Variants in RHBDL3 observed in about 807,000 individuals in gnomAD.
The protein encoded by RHBDL3 is rhomboid-related protein 3.
In RHBDL3, 28 loss-of-function variants were observed where a neutral mutation model predicts 48.2. That is an observed-to-expected ratio of 0.58 (90% confidence interval 0.43 to 0.80). RHBDL3 has a LOEUF of 0.80. Among genes scored for constraint, RHBDL3 ranks in the 30% least tolerant of loss-of-function variants. RHBDL3 has a pLI of 0.00. For synonymous variants in RHBDL3, 208 were observed against 232.3 expected, an observed-to-expected ratio of 0.90 and a Z score of 0.95; for missense variants, 464 against 542.7, an observed-to-expected ratio of 0.85 and a Z score of 1.44.
At chr17:32,311,129 G>A (rs1368993551) in intron 7 of RHBDL3, among the ~76,000 whole-genome samples, 1 of 152,222 alleles carries the variant, frequency 6.6e-6, no homozygotes, top group Admixed American at 6.5e-5. Flanking sequence ...ATGCTGAGGG[G>A]ACTGGTTACC....
At chr17:32,303,523 A>T (rs1020592500) in intron 6 of RHBDL3, among the ~76,000 whole-genome samples, 2 of 152,254 alleles carry the variant, frequency 1.3e-5, no homozygotes, top group Non-Finnish European at 2.9e-5. Context: ...AAGCAAAAGC[A>T]AAAGAAAGTT....
intron 2 of RHBDL3, 50 bp downstream of exon 2, chr17:32,267,975 G>T: frequency 7.0e-7 from 1 of 1,438,744 alleles, no homozygotes; most frequent in East Asian, 2.3e-5. Context: ...CCTGAAATCG[G>T]TCTCAGTCTC....
intron 6 of RHBDL3, among the ~76,000 whole-genome samples, chr17:32,304,404 T>C (rs2040659587): frequency 6.6e-6 from 1 of 152,142 alleles, no homozygotes; most frequent in Non-Finnish European, 1.5e-5. Flanking sequence ...GCGTGGCTGC[T>C]AGAGAGGCCA....
In RHBDL3 at chr17:32,272,098, TAAATG is replaced by T. The variant is rs1432216206; in HGVS notation, c.135+4174_135+4178del. ...TTAACTTCAGGGTGACTATGAGAATTAAATGGAAGTGGAAGCTCCCTTTGCAATAT... is the reference window on the plus strand; with the variant it reads ...TTAACTTCAGGGTGACTATGAGAATTGAAGTGGAAGCTCCCTTTGCAATAT... On this transcript the variant is annotated intron_variant, in intron 2 of 8. Transcript: ENST00000269051. Among the ~76,000 whole-genome samples the T allele has an allele frequency of 2.0e-5, 3 of 152,240 alleles. No individual in the cohort carries two copies. The East Asian group carries it at 5.8e-4, about 29-fold the overall frequency.
rs545196645 is a variant in RHBDL3, at chr17:32,317,629, T to C, written c.943+1337T>C. 1.5e-3 allele frequency among the ~76,000 whole-genome samples: 234 copies of C among 152,298 alleles called. 2 individuals are homozygous for C. Among genetic ancestry groups the C allele is most frequent in the African/African-American group, 5.4e-3 (225 of 41,572 alleles). On this transcript the variant is annotated intron_variant, in intron 8 of 8. Coordinates refer to ENST00000269051, the MANE Select transcript of RHBDL3 (RefSeq NM_138328.3). The stretch of plus-strand genomic sequence containing the variant: ...GGTTAGCAAAACCAAGAAATTCGTT[T>C]TGGGATTGTGTGTGATTTTGATCAG...
intron 2 of RHBDL3, among the ~76,000 whole-genome samples, chr17:32,272,724 T>C (rs1461243725): frequency 4.6e-5 from 7 of 152,246 alleles, no homozygotes; most frequent in African/African-American, 1.7e-4. Flanking sequence ...TTTGATTGCT[T>C]TGGGCAACAG....
At chr17:32,290,680 A>T (rs2040304854) in intron 4 of RHBDL3, among the ~76,000 whole-genome samples, 1 of 152,192 alleles carries the variant, frequency 6.6e-6, no homozygotes, top group African/African-American at 2.4e-5. Context: ...GACAAAAGAA[A>T]AGTTTAAAGC....
In RHBDL3 at chr17:32,324,617, A is replaced by G. The variant is rs937679997; in HGVS notation, c.*3388A>G. ...CTGTATATTTTTGTTGTAACATATT[A>G]TTTGAGCACAGATTCCATTAAATAT... is the stretch of plus-strand genomic sequence containing the variant. On this transcript the variant is annotated 3_prime_UTR_variant, in exon 9 of 9. Transcript: ENST00000269051. 2.6e-4 allele frequency: 40 copies of G among 152,466 alleles called. No individual in the cohort carries two copies. The highest frequency in any genetic ancestry group is 7.2e-4 in the African/African-American group (30 of 41,580). 9.4% of individuals were successfully genotyped at this position (152,466 alleles called of 1,614,324 possible). A position where few individuals can be genotyped will look rare whatever the true frequency, so the allele number is the denominator to read the frequency against.
chr17:32,324,522 TTGAG>T lies in RHBDL3; in HGVS notation c.*3295_*3298del, dbSNP rs1226919112. The T allele has an allele frequency of 6.6e-6, 1 of 152,658 alleles. No homozygotes were observed. Among genetic ancestry groups the T allele is most frequent in the East Asian group, 1.9e-4 (1 of 5,206 alleles). 9.5% of individuals were successfully genotyped at this position (152,658 alleles called of 1,614,324 possible). On this transcript the variant is annotated 3_prime_UTR_variant, in exon 9 of 9. Coordinates refer to ENST00000269051, the MANE Select transcript of RHBDL3 (RefSeq NM_138328.3). ...AACAGTGAACTGCCCCTCCGAGGAC[TTGAG>T]TAAGTGGAAAAAACAAAACACAGAC...
At chr17:32,298,004 C>T in intron 5 of RHBDL3, 88 bp from the exon 6 acceptor site, 4 of 945,590 alleles carry the variant, frequency 4.2e-6, no homozygotes, top group Admixed American at 1.8e-5. Flanking sequence ...GGATCCCTGG[C>T]ATCTTGGGGG....
At chr17:32,282,798 A>G (rs558405008) in intron 2 of RHBDL3, among the ~76,000 whole-genome samples, 1 of 152,098 alleles carries the variant, frequency 6.6e-6, no homozygotes, top group Non-Finnish European at 1.5e-5. Flanking sequence ...AATTTTTTGT[A>G]TTTTTATTAC....
rs1375438031 is a variant in RHBDL3, at chr17:32,324,000, C to G, written c.*2771C>G. 6.6e-6 allele frequency: 1 copy of G among 152,460 alleles called. No individual in the cohort carries two copies. The highest frequency in any genetic ancestry group is 6.5e-5 in the Admixed American group (1 of 15,288). 9.4% of individuals were successfully genotyped at this position (152,460 alleles called of 1,614,324 possible). A position where few individuals can be genotyped will look rare whatever the true frequency, so the allele number is the denominator to read the frequency against. ...CCAAGGCTGGCCGTGTCCTCTGTGC[C>G]TCTTTCCTTGTCTGAGGTGGCTGCC... On this transcript the variant is annotated 3_prime_UTR_variant, in exon 9 of 9. Transcript: ENST00000269051.
chr17:32,300,975 C>T (rs1597665268), intron 6 of RHBDL3, among the ~76,000 whole-genome samples: 3 of 151,964 alleles, frequency 2.0e-5, no homozygotes, highest in African/African-American at 7.3e-5. Context: ...CCGCCTCTTG[C>T]GTTCAAGCAA....
At chr17:32,282,767 C>T (rs111230303) in intron 2 of RHBDL3, among the ~76,000 whole-genome samples, 1,878 of 152,256 alleles carry the variant, frequency 0.012, 51 homozygotes, top group African/African-American at 0.042. Flanking sequence ...GGACTACAGG[C>T]GCCTGCAACC....
chr17:32,280,645 A>G (rs1288706534), intron 2 of RHBDL3: 5 of 152,004 alleles, frequency 3.3e-5, no homozygotes, highest in Admixed American at 3.3e-4. Context: ...CACTTTGTAG[A>G]TGAGGTAGTT....
intron 2 of RHBDL3, among the ~76,000 whole-genome samples, chr17:32,281,739 G>A (rs1469713022): frequency 6.6e-6 from 1 of 152,234 alleles, no homozygotes; most frequent in African/African-American, 2.4e-5. Context: ...GGTCAGAGCT[G>A]TTGCTGTCCG....
At chr17:32,298,251 G>C (rs1156863471) in intron 6 of RHBDL3, 47 bp downstream of exon 6, 12 of 1,318,266 alleles carry the variant, frequency 9.1e-6, no homozygotes, top group Non-Finnish European at 9.8e-6. Flanking sequence ...GCCCCAGGGT[G>C]GGGTGGGAGA....
At chr17:32,284,455 G>C (rs2040146236) in intron 2 of RHBDL3, 12 of 529,550 alleles carry the variant, frequency 2.3e-5, no homozygotes, top group Non-Finnish European at 3.7e-5. Flanking sequence ...GTTGGATTGG[G>C]TGATCCTGAA....
intron 4 of RHBDL3, among the ~76,000 whole-genome samples, chr17:32,293,744 C>T (rs780764287): frequency 6.6e-6 from 1 of 152,114 alleles, no homozygotes; most frequent in African/African-American, 2.4e-5. Flanking sequence ...TTCTGCTTAG[C>T]ACGGAGGAAG....
Sources: allele counts gnomAD v4.1 joint callset (sites outside exome capture counted in the v4.1 genomes callset), GRCh38; gene constraint gnomAD v4.1.1; transcripts MANE v1.5; gene names NCBI Gene and HGNC (gene_info 2026-07-23, HGNC 2026-07-21).